The following RBMS1 variants were observed in gnomAD, a reference collection of about 807,000 sequenced individuals.
The protein encoded by RBMS1 is RNA binding motif single stranded interacting protein 1.
RBMS1 carries 17 observed loss-of-function variants against 62.3 expected under a neutral mutation model. The observed-to-expected ratio is 0.27, with a 90% CI of 0.19 to 0.41. The LOEUF is 0.41. RBMS1 is among the 10% of genes least tolerant of loss of function. The pLI is 1.00. For synonymous variants in RBMS1, 172 were observed against 170.0 expected, an observed-to-expected ratio of 1.01 and a Z score of -0.09; for missense variants, 334 against 504.5, an observed-to-expected ratio of 0.66 and a Z score of 3.24.
intron 1 of RBMS1, among the ~76,000 whole-genome samples, chr2:160,434,609 C>T (rs556505734): frequency 3.3e-5 from 5 of 152,298 alleles, no homozygotes; most frequent in Non-Finnish European, 7.3e-5. Flanking sequence ...CCTCTAGCCA[C>T]ATGCAGCTAA....
intron 1 of RBMS1, chr2:160,407,878 C>G: frequency 1.0e-6 from 1 of 981,102 alleles, no homozygotes; most frequent in Non-Finnish European, 1.2e-6. Context: ...CGCGTCCCCA[C>G]CTACCGCGGC....
At position 160,274,522 on chromosome 2, in the gene RBMS1, TTTTG is replaced by T; in HGVS notation, c.*246_*249del. 7.5e-6 allele frequency: 1 copy of T among 132,994 alleles called. No homozygotes were observed. 8.2% of individuals were successfully genotyped at this position (132,994 alleles called of 1,614,324 possible). A position where few individuals can be genotyped will look rare whatever the true frequency, so the allele number is the denominator to read the frequency against. On this transcript the variant is annotated 3_prime_UTR_variant, in exon 14 of 14. Coordinates refer to ENST00000348849, the MANE Select transcript of RBMS1 (RefSeq NM_016836.4). ...TTGATAAAAATCTTTTGTTTTTGTT[TTTTG>T]TTTTTTTTTTTTTACTAAAATAAAC...
At chr2:160,286,303 CTTTTTTTTTTTTTTTTATTTT>C (rs1688388077) in intron 7 of RBMS1, among the ~76,000 whole-genome samples, 1 of 122,466 alleles carries the variant, frequency 8.2e-6, no homozygotes, top group Non-Finnish European at 1.8e-5. Flanking sequence ...TTCTTCCTTT[CTTTTTTTTTTTTTTTTATTTT>C]GTTTTTTTTT....
At chr2:160,379,334 T>C (rs986492156) in intron 1 of RBMS1, among the ~76,000 whole-genome samples, 12 of 152,262 alleles carry the variant, frequency 7.9e-5, no homozygotes, top group African/African-American at 2.9e-4. Flanking sequence ...AGGGACAAAG[T>C]TTATTTCAGG....
intron 1 of RBMS1, among the ~76,000 whole-genome samples, chr2:160,457,797 T>C (rs1243114576): frequency 6.6e-6 from 1 of 151,896 alleles, no homozygotes; most frequent in Non-Finnish European, 1.5e-5. Flanking sequence ...AGTCGCACTT[T>C]CACACATCGT....
At chr2:160,414,061 T>G (rs925344317) in intron 1 of RBMS1, among the ~76,000 whole-genome samples, 2 of 152,234 alleles carry the variant, frequency 1.3e-5, no homozygotes, top group Admixed American at 6.5e-5. Context: ...GGCTTCACCA[T>G]TTACCATCTG....
At chr2:160,390,881 AAAC>A (rs902124559) in intron 1 of RBMS1, among the ~76,000 whole-genome samples, 3 of 97,760 alleles carry the variant, frequency 3.1e-5, no homozygotes, top group Admixed American at 2.5e-4. Context: ...TGCAAGTTAA[AAAC>A]AACCACCAAA....
chr2:160,399,560 CAATTAA>C (rs1276435575), intron 1 of RBMS1, among the ~76,000 whole-genome samples: 4 of 151,688 alleles, frequency 2.6e-5, no homozygotes, highest in Non-Finnish European at 5.9e-5. Context: ...ACCTACAACT[CAATTAA>C]TTATAACTCA....
intron 1 of RBMS1, among the ~76,000 whole-genome samples, chr2:160,368,519 C>T (rs1559456112): frequency 6.6e-6 from 1 of 152,218 alleles, no homozygotes; most frequent in South Asian, 2.1e-4. Context: ...TAAGCATATC[C>T]TCATTTACCT....
intron 2 of RBMS1, among the ~76,000 whole-genome samples, chr2:160,360,072 G>A (rs911271007): frequency 2.6e-5 from 4 of 152,154 alleles, no homozygotes; most frequent in Non-Finnish European, 5.9e-5. Flanking sequence ...GCAACAGAGT[G>A]AGACTCTGTC....
chr2:160,407,884 G>A, intron 1 of RBMS1: 1 of 981,038 alleles, frequency 1.0e-6, no homozygotes, highest in Non-Finnish European at 1.2e-6. Context: ...CCCACCTACC[G>A]CGGCCTCAAC....
chr2:160,387,380 G>C (rs947658768), intron 1 of RBMS1, among the ~76,000 whole-genome samples: 4 of 151,956 alleles, frequency 2.6e-5, no homozygotes, highest in Admixed American at 6.6e-5. Flanking sequence ...ATTTTAGCAA[G>C]AGCTTTTAAT....
intron 2 of RBMS1, among the ~76,000 whole-genome samples, chr2:160,334,235 A>G (rs1317423680): frequency 6.6e-6 from 1 of 152,200 alleles, no homozygotes; most frequent in Non-Finnish European, 1.5e-5. Flanking sequence ...GCTCAACAAA[A>G]TATTTTTGAG....
chr2:160,311,845 T>C (rs928478033), intron 4 of RBMS1, among the ~76,000 whole-genome samples: 1 of 152,238 alleles, frequency 6.6e-6, no homozygotes, highest in African/African-American at 2.4e-5. Context: ...ATTACACAGA[T>C]GTCTTAATAA....
rs936027928 is a variant in RBMS1, at chr2:160,493,561, T to G, written c.-198A>C. 156 of 609,288 alleles carry G rather than the reference T, an allele frequency of 2.6e-4. No homozygotes were observed. The highest frequency in any genetic ancestry group is 4.0e-4 in the Non-Finnish European group (138 of 346,548). The allele number at this position is 609,288 out of a possible 1,614,324, so 37.7% of individuals were successfully genotyped here. On this transcript the variant is annotated 5_prime_UTR_variant, in exon 1 of 14. Transcript: ENST00000348849. ...CTCCTCTTCCTCCTCCTCCTCCTCC[T>G]CCTCCTCCTCTTCCTCCTCCTCCTC... is the stretch of plus-strand genomic sequence containing the variant.
chr2:160,403,055 T>C (rs1270077695), intron 1 of RBMS1, among the ~76,000 whole-genome samples: 1 of 152,210 alleles, frequency 6.6e-6, no homozygotes, highest in Non-Finnish European at 1.5e-5. Flanking sequence ...AAGTGAACTA[T>C]GGAACATGTA....
intron 1 of RBMS1, among the ~76,000 whole-genome samples, chr2:160,408,105 G>T (rs1212120840): frequency 6.6e-6 from 1 of 151,472 alleles, no homozygotes; most frequent in Non-Finnish European, 1.5e-5. Flanking sequence ...CCGCTCTGGT[G>T]CAATGGTTGG....
chr2:160,310,655 G>A (rs997806937), intron 4 of RBMS1, among the ~76,000 whole-genome samples: 5 of 152,114 alleles, frequency 3.3e-5, no homozygotes, highest in Non-Finnish European at 7.4e-5. Flanking sequence ...TTCAGTGAGT[G>A]CATTATTAAT....
chr2:160,396,733 T>C (rs1429522932), intron 1 of RBMS1, among the ~76,000 whole-genome samples: 1 of 151,758 alleles, frequency 6.6e-6, no homozygotes, highest in Non-Finnish European at 1.5e-5. Flanking sequence ...CCCGGCTGAT[T>C]TTTGTATTTT....
Sources: gnomAD v4.1 joint callset for allele counts (sites outside exome capture counted in the v4.1 genomes callset) on GRCh38, gnomAD v4.1.1 for gene constraint, MANE v1.5 for transcripts, NCBI Gene and HGNC (gene_info 2026-07-23, HGNC 2026-07-21) for gene names.